HNRNPR: variants seen among roughly 807,000 people sequenced by gnomAD.
HNRNPR encodes heterogeneous nuclear ribonucleoprotein R.
HNRNPR carries 4 observed loss-of-function variants against 70.3 expected under a neutral mutation model. The observed-to-expected ratio is 0.06, with a 90% CI of 0.03 to 0.13. The LOEUF (loss-of-function observed/expected upper bound fraction) is 0.13. HNRNPR is among the 10% of genes least tolerant of loss of function. The pLI, the probability that HNRNPR is intolerant of heterozygous loss-of-function variation, is 1.00. For synonymous variants in HNRNPR, 241 were observed against 267.6 expected, an observed-to-expected ratio of 0.90 and a Z score of 0.97; for missense variants, 423 against 788.5, an observed-to-expected ratio of 0.54 and a Z score of 5.55.
chr1:23,313,796 TAAAAC>T, intron 8 of HNRNPR, 94 bp from the exon 9 acceptor site: 1 of 1,345,760 alleles, frequency 7.4e-7, no homozygotes, highest in Non-Finnish European at 1.0e-6. Context: ...TTTTCTCCTC[TAAAAC>T]ATTAAGTGCT....
chr1:23,312,351 T>G (rs998532066), intron 9 of HNRNPR, among the ~76,000 whole-genome samples: 2 of 152,206 alleles, frequency 1.3e-5, no homozygotes, highest in African/African-American at 4.8e-5. Flanking sequence ...GACTAGATAT[T>G]TTATAATTTC....
intron 4 of HNRNPR, among the ~76,000 whole-genome samples, chr1:23,336,933 T>C (rs914022274): frequency 1.3e-5 from 2 of 152,208 alleles, no homozygotes; most frequent in Admixed American, 1.3e-4. Context: ...TTCATGGTTA[T>C]ATAGTTCTTG....
rs1396109854 is a variant in HNRNPR, at chr1:23,307,181, T to C, written c.*3273A>G. On this transcript the variant is annotated 3_prime_UTR_variant, in exon 11 of 11. Coordinates refer to ENST00000302271, the MANE Select transcript of HNRNPR (RefSeq NM_005826.5). ...TGATAATTGACAAGCAATAGCCTTA[T>C]AGCAAGTATTTACTGGAAGGGTTTG... 3 of 152,140 alleles carry C rather than the reference T, an allele frequency of 2.0e-5. No individual in the cohort carries two copies. Among genetic ancestry groups the C allele is most frequent in the Non-Finnish European group, 2.9e-5 (2 of 67,984 alleles). 9.4% of individuals were successfully genotyped at this position (152,140 alleles called of 1,614,324 possible).
intron 5 of HNRNPR, among the ~76,000 whole-genome samples, chr1:23,324,916 G>A (rs912989776): frequency 5.3e-5 from 8 of 151,994 alleles, no homozygotes; most frequent in African/African-American, 1.2e-4. Flanking sequence ...TGAGGCGGGC[G>A]GATCACGAAG....
At chr1:23,322,339 G>A (rs2148380617) in intron 6 of HNRNPR, among the ~76,000 whole-genome samples, 1 of 152,082 alleles carries the variant, frequency 6.6e-6, no homozygotes, top group South Asian at 2.1e-4. Flanking sequence ...GGGTTGAAGT[G>A]ATTCTCCTGC....
chr1:23,323,513 C>T lies in HNRNPR; in HGVS notation c.675+43G>A, dbSNP rs1569989369. The T allele has an allele frequency of 4.0e-6, 6 of 1,518,076 alleles. No homozygotes were observed. In the African/African-American group the frequency reaches 7.0e-5, roughly 18 times the overall value. The allele number at this position is 1,518,076 out of a possible 1,614,324, so 94.0% of individuals were successfully genotyped here. A position where few individuals can be genotyped will look rare whatever the true frequency, so the allele number is the denominator to read the frequency against. On this transcript the variant is annotated intron_variant, in intron 6 of 10. Transcript: ENST00000302271. ...ACATTTTTGAATTAAAGTTTATTTC[C>T]TCAAATAGTGACTTGCTAAGACAGT...
intron 4 of HNRNPR, among the ~76,000 whole-genome samples, chr1:23,336,571 C>CAAAAAA: frequency 2.4e-5 from 1 of 41,180 alleles, no homozygotes; most frequent in Non-Finnish European, 4.2e-5. Flanking sequence ...GACTCCGTCT[C>CAAAAAA]AAAAAAAAAA....
chr1:23,316,357 A>G (rs1645547374), intron 8 of HNRNPR, among the ~76,000 whole-genome samples: 1 of 152,184 alleles, frequency 6.6e-6, no homozygotes. Flanking sequence ...TTTAATCCTA[A>G]GTTTATAGAG....
intron 5 of HNRNPR, among the ~76,000 whole-genome samples, chr1:23,330,731 G>A (rs1380977730): frequency 6.6e-6 from 1 of 152,142 alleles, no homozygotes; most frequent in African/African-American, 2.4e-5. Flanking sequence ...GTTAATGAGT[G>A]CTCATCTAAT....
intron 2 of HNRNPR, 96 bp from the exon 3 acceptor site, chr1:23,338,704 T>A (rs1646598188): frequency 1.7e-6 from 1 of 579,922 alleles, no homozygotes; most frequent in African/African-American, 1.9e-5. Context: ...TTCAATATGA[T>A]CACTAACAAA....
intron 4 of HNRNPR, among the ~76,000 whole-genome samples, chr1:23,335,206 C>T (rs1646420240): frequency 6.6e-6 from 1 of 152,236 alleles, no homozygotes; most frequent in Non-Finnish European, 1.5e-5. Flanking sequence ...GCGTGAGCCA[C>T]AGAGCCCAGC....
chr1:23,316,722 T>C (rs1480155103), intron 8 of HNRNPR, among the ~76,000 whole-genome samples: 1 of 152,180 alleles, frequency 6.6e-6, no homozygotes, highest in East Asian at 1.9e-4. Flanking sequence ...ATGACATTCA[T>C]GTTCAGTAGT....
At chr1:23,344,178 G>A (rs1319307581) in intron 1 of HNRNPR, 33 bp downstream of exon 1, 1 of 151,994 alleles carries the variant, frequency 6.6e-6, no homozygotes, top group African/African-American at 2.4e-5. Context: ...GGGGCTCCCG[G>A]CCCCTCCCCC....
intron 6 of HNRNPR, among the ~76,000 whole-genome samples, chr1:23,322,904 G>C (rs1204053939): frequency 1.3e-5 from 2 of 152,178 alleles, no homozygotes; most frequent in Non-Finnish European, 2.9e-5. Context: ...TTGATTTGCA[G>C]AACTTTGTTG....
At chr1:23,324,029 G>A (rs1049275892) in intron 5 of HNRNPR, among the ~76,000 whole-genome samples, 4 of 151,852 alleles carry the variant, frequency 2.6e-5, no homozygotes, top group African/African-American at 7.3e-5. Context: ...CAGAATAAAG[G>A]AGGCTGGACG....
intron 1 of HNRNPR, among the ~76,000 whole-genome samples, chr1:23,343,712 A>C (rs959350491): frequency 1.3e-5 from 2 of 152,186 alleles, no homozygotes; most frequent in Non-Finnish European, 2.9e-5. Flanking sequence ...TGCTCACACA[A>C]AACTTTTCTC....
chr1:23,328,789 C>A (rs969427175), intron 5 of HNRNPR, among the ~76,000 whole-genome samples: 1 of 152,076 alleles, frequency 6.6e-6, no homozygotes, highest in Non-Finnish European at 1.5e-5. Flanking sequence ...CGTGAGCCAC[C>A]GCACCCGGCC....
chr1:23,335,985 C>T (rs1308560776), intron 4 of HNRNPR, among the ~76,000 whole-genome samples: 2 of 148,942 alleles, frequency 1.3e-5, no homozygotes, highest in East Asian at 4.0e-4. Flanking sequence ...GGCGTAGTGG[C>T]GGGCGCCTGT....
rs747482949 is a variant in HNRNPR, at chr1:23,311,315, T to C, written c.1175A>G (p.Asp392Gly). 2 of 1,576,792 alleles carry C rather than the reference T, an allele frequency of 1.3e-6. No individual in the cohort carries two copies. The highest frequency in any genetic ancestry group is 1.7e-6 in the Non-Finnish European group (2 of 1,148,710). ...TTCTATTTCTTTGCCATTCATTTCA[T>C]CCATAGCCTATAAAAAATTAGAAAA... Reference protein sequence around the residue: ...EDRGAAVKAMDEMNGKEIEGE... With the variant: ...EDRGAAVKAMGEMNGKEIEGE... The change falls in exon 10 of 11, where the codon GAT (aspartate) becomes GGT (glycine). Residue 392 changes from aspartate to glycine, a missense_variant. Transcript: ENST00000302271.
Sources: gnomAD v4.1 joint callset for allele counts (sites outside exome capture counted in the v4.1 genomes callset) on GRCh38, gnomAD v4.1.1 for gene constraint, MANE v1.5 for transcripts, NCBI Gene and HGNC (gene_info 2026-07-23, HGNC 2026-07-21) for gene names.